Variants in PLCB4 observed in about 807,000 individuals in gnomAD.
The protein encoded by PLCB4 is 1-phosphatidylinositol 4,5-bisphosphate phosphodiesterase beta-4.
Under a neutral mutation model 178.8 loss-of-function variants are expected in PLCB4, and 77 were observed. The observed-to-expected ratio is 0.43, with a 90% CI of 0.36 to 0.52. PLCB4 has a LOEUF of 0.52. Among genes scored for constraint, PLCB4 ranks in the 20% least tolerant of loss-of-function variants. PLCB4 has a pLI of 0.00. For missense variants in PLCB4, 1,024 were observed against 1,453.4 expected (o/e 0.70, Z 4.80); for synonymous variants, 496 against 490.8 (o/e 1.01, Z -0.14).
chr20:9,418,782 G>A (rs149285111), intron 25 of PLCB4, among the ~76,000 whole-genome samples: 18 of 152,220 alleles, frequency 1.2e-4, no homozygotes, highest in African/African-American at 4.1e-4. Context: ...TAACAATATG[G>A]TCTTCCAACC....
intron 2 of PLCB4, among the ~76,000 whole-genome samples, chr20:9,187,376 G>A (rs1321116751): frequency 6.6e-6 from 1 of 152,132 alleles, no homozygotes; most frequent in African/African-American, 2.4e-5. Context: ...GCACACCCCT[G>A]CTGAGGACCC....
chr20:9,096,214 G>A (rs2090905464), intron 1 of PLCB4, 73 bp from the exon 2 acceptor site: 1 of 152,036 alleles, frequency 6.6e-6, no homozygotes, highest in African/African-American at 2.4e-5. Flanking sequence ...AAGATTATAG[G>A]CTGGTCTTAA....
chr20:9,469,115 G>T (rs147034118), intron 36 of PLCB4, among the ~76,000 whole-genome samples: 3,756 of 152,002 alleles, frequency 0.025, 154 homozygotes, highest in African/African-American at 0.085. Context: ...CTAGTAGCTG[G>T]GATTACAGGC....
In PLCB4 at chr20:9,174,532, T is replaced by C. The variant is rs1315008520; in HGVS notation, c.-78-42858T>C. On this transcript the variant is annotated intron_variant, in intron 2 of 39. Transcript: ENST00000378473. ...TTTTTACATTGTAGTTTTCTTTTCA[T>C]CTACATTTCCTACTAATTAAGATGT... 2.6e-5 allele frequency among the ~76,000 whole-genome samples: 4 copies of C among 152,126 alleles called. No homozygotes were observed. The South Asian group carries it at 6.2e-4, about 24-fold the overall frequency.
At chr20:9,478,513 T>C (rs962100584) in intron 39 of PLCB4, among the ~76,000 whole-genome samples, 1 of 152,158 alleles carries the variant, frequency 6.6e-6, no homozygotes, top group African/African-American at 2.4e-5. Flanking sequence ...CTTATTCTAA[T>C]GTGATAAAAT....
intron 7 of PLCB4, among the ~76,000 whole-genome samples, chr20:9,361,002 G>A (rs1219655758): frequency 2.0e-5 from 3 of 152,192 alleles, no homozygotes; most frequent in Admixed American, 2.0e-4. Flanking sequence ...ATCAAGTGTT[G>A]TTGAGGATGT....
intron 3 of PLCB4, among the ~76,000 whole-genome samples, chr20:9,270,016 G>A (rs1353474581): frequency 6.6e-6 from 1 of 151,886 alleles, no homozygotes; most frequent in African/African-American, 2.4e-5. Context: ...AGGAAGGGTG[G>A]GTTGGCAATA....
At chr20:9,086,378 A>G (rs946155371) in intron 1 of PLCB4, among the ~76,000 whole-genome samples, 2 of 152,054 alleles carry the variant, frequency 1.3e-5, no homozygotes, top group African/African-American at 2.4e-5. Flanking sequence ...GAAGTTTAGC[A>G]AAATGGTTGT....
chr20:9,450,784 G>A (rs893243333), intron 32 of PLCB4, among the ~76,000 whole-genome samples: 1 of 151,298 alleles, frequency 6.6e-6, no homozygotes, highest in Non-Finnish European at 1.5e-5. Flanking sequence ...GAGTAGCTGG[G>A]ATTACAGGAG....
intron 3 of PLCB4, among the ~76,000 whole-genome samples, chr20:9,283,172 C>T (rs1010040617): frequency 6.6e-6 from 1 of 151,948 alleles, no homozygotes. Context: ...CACACTTTAT[C>T]TTCAGGCAGA....
intron 3 of PLCB4, among the ~76,000 whole-genome samples, chr20:9,229,329 A>G (rs1304429154): frequency 6.6e-6 from 1 of 152,154 alleles, no homozygotes; most frequent in African/African-American, 2.4e-5. Context: ...TTTCAGATCT[A>G]TCACAAGTGT....
At chr20:9,338,779 T>A (rs2032822164) in intron 6 of PLCB4, 115 bp from the exon 7 acceptor site, 2 of 710,884 alleles carry the variant, frequency 2.8e-6, no homozygotes, top group South Asian at 3.8e-5. Context: ...TAATGCTAGG[T>A]GTCTGGGCCC....
intron 2 of PLCB4, among the ~76,000 whole-genome samples, chr20:9,216,926 A>T (rs2093739760): frequency 6.6e-6 from 1 of 152,182 alleles, no homozygotes; most frequent in African/African-American, 2.4e-5. Context: ...AACATAAACA[A>T]CTTAATAACA....
At chr20:9,138,296 C>G (rs544123535) in intron 2 of PLCB4, among the ~76,000 whole-genome samples, 1 of 151,926 alleles carries the variant, frequency 6.6e-6, no homozygotes, top group Non-Finnish European at 1.5e-5. Flanking sequence ...TAATATGCAT[C>G]ATCACTTAAA....
rs1395323466 is a variant in PLCB4 at position 9,407,901 on chromosome 20, T to A, written c.1648-16T>A. 6.2e-7 allele frequency: 1 copy of A among 1,603,518 alleles called. No individual in the cohort carries two copies. The highest frequency in any genetic ancestry group is 1.1e-5 in the South Asian group (1 of 88,950). On this transcript the variant is annotated splice_polypyrimidine_tract_variant and intron_variant, in intron 21 of 39. Transcript: ENST00000378473. ...TGAAGTCATCAACTTATATGTTTTC[T>A]TCCTTGTGCTTGTAGGGCCTGGTCA...
intron 4 of PLCB4, among the ~76,000 whole-genome samples, chr20:9,322,785 G>T (rs571624716): frequency 3.7e-4 from 56 of 152,316 alleles, no homozygotes; most frequent in Middle Eastern, 6.8e-3. Context: ...CTTTGCCAAA[G>T]AACTCTATCC....
chr20:9,181,214 C>T (rs555160052), intron 2 of PLCB4, among the ~76,000 whole-genome samples: 1 of 152,246 alleles, frequency 6.6e-6, no homozygotes, highest in Non-Finnish European at 1.5e-5. Flanking sequence ...CTTTTTGAGA[C>T]CTCCCAAATG....
intron 2 of PLCB4, among the ~76,000 whole-genome samples, chr20:9,154,978 G>C (rs1424051434): frequency 2.6e-5 from 3 of 116,700 alleles, no homozygotes; most frequent in African/African-American, 9.5e-5. Context: ...TGCTTTTGGG[G>C]TACAAGTGGT....
chr20:9,322,127 T>A (rs2094967337), intron 4 of PLCB4, among the ~76,000 whole-genome samples: 1 of 145,908 alleles, frequency 6.9e-6, no homozygotes, highest in Non-Finnish European at 1.5e-5. Flanking sequence ...ATTTTTTTTT[T>A]TTTTTTTTTT....
Sources: gnomAD v4.1 joint callset for allele counts (sites outside exome capture counted in the v4.1 genomes callset) on GRCh38, gnomAD v4.1.1 for gene constraint, MANE v1.5 for transcripts, NCBI Gene and HGNC (gene_info 2026-07-23, HGNC 2026-07-21) for gene names.